The following ATRX variants were observed in gnomAD, a reference collection of about 807,000 sequenced individuals.
The protein encoded by ATRX is chromatin remodeler ATRX.
ATRX carries 12 observed loss-of-function variants against 172.6 expected under a neutral mutation model. The ratio of observed to expected loss-of-function variants is 0.07; its 90% confidence interval spans 0.04 to 0.11. The LOEUF is 0.11. ATRX is among the 10% of genes least tolerant of loss of function. ATRX has a pLI of 1.00. For synonymous variants in ATRX, 674 were observed against 594.7 expected (o/e 1.13, Z -1.94); for missense variants, 1,368 against 1,767.4 (o/e 0.77, Z 4.05).
intron 19 of ATRX, among the ~76,000 whole-genome samples, chrX:77,624,207 T>A (rs1478929745): frequency 1.8e-5 from 2 of 109,752 alleles, no homozygotes; most frequent in Non-Finnish European, 3.8e-5. Context: ...CTACTAAAAA[T>A]ACAAAAAAAA....
chrX:77,589,064 T>C (rs1557078735), intron 27 of ATRX, among the ~76,000 whole-genome samples: 1 of 112,400 alleles, frequency 8.9e-6, no homozygotes, highest in Non-Finnish European at 1.9e-5. Context: ...AGTTTGGTAT[T>C]GCCGTTTGTT....
chrX:77,652,785 C>T (rs1415279792), intron 14 of ATRX, among the ~76,000 whole-genome samples: 3 of 104,429 alleles, frequency 2.9e-5, no homozygotes, highest in African/African-American at 7.0e-5. Context: ...CCAGCCTGGG[C>T]GACAGAGCGA....
chrX:77,766,788 G>A (rs1224505525), intron 1 of ATRX, among the ~76,000 whole-genome samples: 1 of 110,482 alleles, frequency 9.1e-6, no homozygotes, highest in Non-Finnish European at 1.9e-5. Context: ...GGGCGGCCAG[G>A]CAGAGACGCT....
chrX:77,638,473 A>G (rs45514103), intron 15 of ATRX, among the ~76,000 whole-genome samples: 129 of 112,690 alleles, frequency 1.1e-3, no homozygotes, highest in African/African-American at 4.1e-3. Flanking sequence ...ACTCCGTCTC[A>G]AAAGAAAAAG....
At chrX:77,687,792 C>A (rs1171843302) in intron 7 of ATRX, among the ~76,000 whole-genome samples, 1 of 112,074 alleles carries the variant, frequency 8.9e-6, no homozygotes, top group Non-Finnish European at 1.9e-5. Flanking sequence ...AAAATTCATG[C>A]AAGAAAAGAT....
intron 2 of ATRX, among the ~76,000 whole-genome samples, chrX:77,705,660 G>A (rs2072775976): frequency 8.9e-6 from 1 of 112,223 alleles, no homozygotes; most frequent in African/African-American, 3.2e-5. Context: ...GATCACTTGA[G>A]GACAGAAGTT....
intron 10 of ATRX, among the ~76,000 whole-genome samples, chrX:77,665,393 G>A (rs782263738): frequency 9.0e-6 from 1 of 111,107 alleles, no homozygotes; most frequent in Non-Finnish European, 1.9e-5. Flanking sequence ...TTCAAGACAG[G>A]GGAAAGAAGG....
chrX:77,601,908 C>T (rs1453206909), intron 22 of ATRX, among the ~76,000 whole-genome samples: 2 of 112,153 alleles, frequency 1.8e-5, no homozygotes, highest in Non-Finnish European at 3.8e-5. Context: ...TCTCGGCATA[C>T]AGCTGTTCAC....
At chrX:77,606,765 A>AG (rs1236917839) in intron 22 of ATRX, among the ~76,000 whole-genome samples, 2 of 108,909 alleles carry the variant, frequency 1.8e-5, no homozygotes, top group Non-Finnish European at 3.8e-5. Flanking sequence ...TACAAAAAAA[A>AG]AAAAAAAAAC....
chrX:77,541,871 G>A (rs2064012007), intron 30 of ATRX, among the ~76,000 whole-genome samples: 1 of 111,355 alleles, frequency 9.0e-6, no homozygotes, highest in Non-Finnish European at 1.9e-5. Context: ...ATACTGAATG[G>A]GCAAAAACTG....
At chrX:77,710,185 G>C (rs1252242924) in intron 2 of ATRX, among the ~76,000 whole-genome samples, 1 of 109,477 alleles carries the variant, frequency 9.1e-6, no homozygotes, top group Non-Finnish European at 1.9e-5. Context: ...TGTAATCCCA[G>C]CTACTCCGGA....
chrX:77,681,733 T>C lies in ATRX; in HGVS notation c.3523A>G (p.Lys1175Glu), dbSNP rs1252599533. ...TCCTTGACAATGACTGCCTTCTTTT[T>C]AGATGAAGTTCTTTGCTTCTTCTTT... ...NKKKKQRTSS[K>E]KKAVIVKEKK... Residue 1175 changes from lysine (K) to glutamate (E), a missense_variant, in exon 9 of 35, where the codon AAA becomes GAA. By Grantham distance (56) the Lys-to-Glu change is moderately conservative. Coordinates refer to ENST00000373344, the MANE Select transcript of ATRX (RefSeq NM_000489.6). 1.7e-6 allele frequency: 2 copies of C among 1,204,246 alleles called. No individual in the cohort carries two copies. Among genetic ancestry groups the C allele is most frequent in the Non-Finnish European group, 2.2e-6 (2 of 893,675 alleles).
chrX:77,643,244 C>A (rs936290316), intron 15 of ATRX, among the ~76,000 whole-genome samples: 23 of 110,068 alleles, frequency 2.1e-4, no homozygotes, highest in African/African-American at 7.6e-4. Flanking sequence ...GTGAGAAGGA[C>A]AACAAGAACA....
At chrX:77,664,580 T>C in intron 11 of ATRX, 65 bp downstream of exon 11, 1 of 1,182,212 alleles carries the variant, frequency 8.5e-7, no homozygotes, top group Non-Finnish European at 1.1e-6. Context: ...TCAGATATTC[T>C]TCAAAGACTG....
rs2148615600 is a variant in ATRX at position 77,683,505 on chromosome X, T to C, written c.1751A>G (p.Lys584Arg). 1 of 1,208,755 alleles carries C rather than the reference T, an allele frequency of 8.3e-7. No homozygotes were observed. Residue 584 changes from lysine to arginine, a missense_variant, in exon 9 of 35, where the codon AAA becomes AGA. By Grantham distance (26) the Lys-to-Arg change is conservative. Coordinates refer to ENST00000373344, the MANE Select transcript of ATRX (RefSeq NM_000489.6). ...IKSKTTAKVT[K>R]ELYVKLTPVS... ...AGGAGTGAGTTTAACATATAATTCT[T>C]TTGTTACTTTAGCTGTAGTTTTTGA...
chrX:77,734,385 G>A (rs1557177737), intron 1 of ATRX, among the ~76,000 whole-genome samples: 2 of 109,317 alleles, frequency 1.8e-5, no homozygotes, highest in Admixed American at 9.8e-5. Flanking sequence ...ACCACTGCAC[G>A]CCAGCCTGGG....
At position 77,639,193 on chromosome X, in the gene ATRX, A is replaced by G. The variant is rs45443997; in HGVS notation, c.4558-3137T>C. On this transcript the variant is annotated intron_variant, in intron 15 of 34. Transcript: ENST00000373344. ...TAAATATGATTGGGCTATCATTCGC[A>G]TAATTGGCCCACTAATAAGCTGACT... Among the ~76,000 whole-genome samples the G allele has an allele frequency of 6.3e-3, 703 of 111,890 alleles. 3 individuals carry two copies. Among genetic ancestry groups the G allele is most frequent in the African/African-American group, 0.021 (658 of 30,863 alleles).
chrX:77,721,536 T>G (rs1164219501), intron 1 of ATRX, among the ~76,000 whole-genome samples: 1 of 109,992 alleles, frequency 9.1e-6, no homozygotes, highest in Non-Finnish European at 1.9e-5. Context: ...CAATAACAGA[T>G]AGAGAGCCAA....
chrX:77,554,474 T>C lies in ATRX; in HGVS notation c.6699+2977A>G, dbSNP rs149371158. ...TACAACAGTCCCATTCAAGAACTTATAGTAAACATTATTTTAAAGCGCAAT... is the reference window on the plus strand; with the variant it reads ...TACAACAGTCCCATTCAAGAACTTACAGTAAACATTATTTTAAAGCGCAAT... On this transcript the variant is annotated intron_variant, in intron 30 of 34. Transcript: ENST00000373344. Among the ~76,000 whole-genome samples, 941 of 111,667 alleles carry C rather than the reference T, an allele frequency of 8.4e-3. 9 individuals are homozygous for C. The highest frequency in any genetic ancestry group is 0.028 in the African/African-American group (848 of 30,732).
Sources: allele counts gnomAD v4.1 joint callset (sites outside exome capture counted in the v4.1 genomes callset), GRCh38; gene constraint gnomAD v4.1.1; transcripts MANE v1.5; gene names NCBI Gene and HGNC (gene_info 2026-07-23, HGNC 2026-07-21).